UGGT1: variants seen among roughly 807,000 people sequenced by gnomAD.
UGGT1 encodes UDP-glucose glycoprotein glucosyltransferase 1.
A neutral mutation model predicts 203.9 loss-of-function variants in UGGT1; 107 were observed. The ratio of observed to expected loss-of-function variants is 0.52; its 90% CI spans 0.45 to 0.62. The LOEUF (loss-of-function observed/expected upper bound fraction) is 0.62. UGGT1 is among the 20% of genes least tolerant of loss of function. UGGT1 has a pLI of 0.00. For missense variants in UGGT1, 1,673 were observed against 1,867.2 expected, an observed-to-expected ratio of 0.90 and a Z score of 1.92; for synonymous variants, 628 against 653.5, an observed-to-expected ratio of 0.96 and a Z score of 0.59.
chr2:128,121,405 C>CTTTTTT (rs10636999), intron 10 of UGGT1, 107 bp downstream of exon 10: 11 of 452,680 alleles, frequency 2.4e-5, no homozygotes, highest in Non-Finnish European at 3.2e-5. Context: ...AATTAAGATT[C>CTTTTTT]TTTTTTTTTT....
chr2:128,151,918 G>A (rs1689991986), intron 18 of UGGT1, among the ~76,000 whole-genome samples: 1 of 152,192 alleles, frequency 6.6e-6, no homozygotes, highest in African/African-American at 2.4e-5. Context: ...ATACCTGTGT[G>A]TTAAATATTT....
At chr2:128,174,384 C>T (rs941601982) in intron 30 of UGGT1, among the ~76,000 whole-genome samples, 2 of 151,182 alleles carry the variant, frequency 1.3e-5, no homozygotes, top group East Asian at 1.9e-4. Context: ...CTGCAACCTC[C>T]GCCTCCCAGG....
At chr2:128,114,242 C>T (rs1443327565) in intron 6 of UGGT1, among the ~76,000 whole-genome samples, 1 of 152,028 alleles carries the variant, frequency 6.6e-6, no homozygotes, top group Non-Finnish European at 1.5e-5. Context: ...CTCAGCCTCC[C>T]GAGTAGCTGG....
At position 128,109,799 on chromosome 2, in the gene UGGT1, G is replaced by T; in HGVS notation, c.521+53G>T. The T allele has an allele frequency of 2.8e-6, 4 of 1,449,182 alleles. No individual in the cohort carries two copies. In the East Asian group the frequency reaches 9.1e-5, roughly 33 times the overall value. 89.8% of individuals were successfully genotyped at this position (1,449,182 alleles called of 1,614,324 possible). Reference sequence around the variant, plus strand: ...GTCATGCATTTCCAGTGCTGCTTCTGCATTTGGTCTACCTTCTGATTTTCT... The same window carrying T: ...GTCATGCATTTCCAGTGCTGCTTCTTCATTTGGTCTACCTTCTGATTTTCT... On this transcript the variant is annotated intron_variant, in intron 5 of 40. Transcript: ENST00000259253.
intron 19 of UGGT1, 35 bp from the exon 20 acceptor site, chr2:128,155,454 G>T: frequency 1.4e-6 from 2 of 1,473,568 alleles, no homozygotes; most frequent in South Asian, 1.2e-5. Flanking sequence ...GATTGAACTG[G>T]AACTAATATA....
At chr2:128,097,611 G>A in intron 2 of UGGT1, 47 bp downstream of exon 2, 1 of 1,598,314 alleles carries the variant, frequency 6.3e-7, no homozygotes, top group Non-Finnish European at 8.5e-7. Context: ...TATAAATATA[G>A]GCTCTGACAG....
chr2:128,190,295 CCAA>C lies in UGGT1; in HGVS notation c.*557_*559del, dbSNP rs1376822252. ...GGTGCATTGTTTAATTGAAATCCAA[CCAA>C]CAATTGTGTGTCAAGGCTGGTTTGG... On this transcript the variant is annotated 3_prime_UTR_variant, in exon 41 of 41. Transcript: ENST00000259253. 1 of 152,438 alleles carries C rather than the reference CCAA, an allele frequency of 6.6e-6. No homozygotes were observed. The highest frequency in any genetic ancestry group is 2.4e-5 in the African/African-American group (1 of 41,418). 9.4% of individuals were successfully genotyped at this position (152,438 alleles called of 1,614,324 possible).
At chr2:128,173,595 G>A (rs544278097) in intron 29 of UGGT1, among the ~76,000 whole-genome samples, 186 bp from the exon 30 acceptor site, 17 of 152,016 alleles carry the variant, frequency 1.1e-4, no homozygotes, top group Non-Finnish European at 2.2e-4. Flanking sequence ...GCCTCCTCTC[G>A]CCTGGTTTCA....
rs544381740 is a variant in UGGT1, at chr2:128,169,048, T to TA, written c.2922-1197dup. Among the ~76,000 whole-genome samples, 81 of 52,538 alleles carry TA rather than the reference T, an allele frequency of 1.5e-3. 8 individuals carry two copies. The highest frequency in any genetic ancestry group is 7.8e-3 in the East Asian group (13 of 1,674). The allele number at this position is 52,538 out of a possible 152,430, so 34.5% of individuals were successfully genotyped here. On this transcript the variant is annotated intron_variant, in intron 26 of 40. Coordinates refer to ENST00000259253, the MANE Select transcript of UGGT1 (RefSeq NM_020120.4). ...GGGTGAATGAGCGAGACTCTGTCTT[T>TA]AAAAAAAAAAAAAAAAAAAAAAAAA...
chr2:128,186,736 A>G lies in UGGT1; in HGVS notation c.4413A>G (p.Glu1471=). ...TGCCAATTAAATCCCTCCCTCAAGA[A>G]TGGCTTTGGTGTGAAACGTGGTGTG... is the stretch of plus-strand genomic sequence containing the variant. ...HQVPIKSLPQ[E]WLWCETWCDD... Residue 1471 remains glutamate, a synonymous_variant, in exon 39 of 41, where the codon GAA becomes GAG. Coordinates refer to ENST00000259253, the MANE Select transcript of UGGT1 (RefSeq NM_020120.4). 6.2e-7 allele frequency: 1 copy of G among 1,613,866 alleles called. No homozygotes were observed. The highest frequency in any genetic ancestry group is 8.5e-7 in the Non-Finnish European group (1 of 1,179,886).
chr2:128,110,463 G>A (rs1417111483), intron 5 of UGGT1, among the ~76,000 whole-genome samples: 1 of 152,090 alleles, frequency 6.6e-6, no homozygotes, highest in African/African-American at 2.4e-5. Flanking sequence ...TCAGAGTGCC[G>A]ACCAAAAAAC....
At chr2:128,138,960 G>A in intron 16 of UGGT1, 108 bp downstream of exon 16, 1 of 1,411,676 alleles carries the variant, frequency 7.1e-7, no homozygotes, top group Admixed American at 2.1e-5. Flanking sequence ...GAGCTCAGGG[G>A]TGGGTCCTGA....
intron 25 of UGGT1, among the ~76,000 whole-genome samples, chr2:128,163,713 C>CAA (rs35601849): frequency 7.9e-4 from 110 of 139,104 alleles, no homozygotes; most frequent in African/African-American, 2.0e-3. Context: ...GACTCCGTCT[C>CAA]AAAAAAAAAA....
chr2:128,123,274 G>A lies in UGGT1; in HGVS notation c.1134+28G>A, dbSNP rs1553435608. On this transcript the variant is annotated intron_variant, in intron 11 of 40. Transcript: ENST00000259253. ...ATTCACCGATAGAAAATACTGACCT[G>A]TTTTGTATTCTATCTTTAAAGATAA... is the stretch of plus-strand genomic sequence containing the variant. The A allele has an allele frequency of 2.9e-5, 46 of 1,591,268 alleles. No individual in the cohort carries two copies. In the South Asian group the frequency reaches 5.2e-4, roughly 18 times the overall value.
At chr2:128,142,044 G>A (rs1450915717) in intron 16 of UGGT1, among the ~76,000 whole-genome samples, 2 of 151,706 alleles carry the variant, frequency 1.3e-5, no homozygotes, top group African/African-American at 4.8e-5. Flanking sequence ...TGGGTTTAAG[G>A]GATTCGCCTG....
chr2:128,112,029 A>G (rs914313964), intron 5 of UGGT1, among the ~76,000 whole-genome samples: 1 of 151,552 alleles, frequency 6.6e-6, no homozygotes, highest in African/African-American at 2.4e-5. Context: ...TCCCTCCTTG[A>G]GCTCTGGAGG....
At chr2:128,132,842 G>A (rs928991657) in intron 13 of UGGT1, among the ~76,000 whole-genome samples, 3 of 152,090 alleles carry the variant, frequency 2.0e-5, no homozygotes, top group African/African-American at 7.2e-5. Context: ...CTCCTGAGTG[G>A]CTGGGACAGC....
chr2:128,151,043 G>T, intron 18 of UGGT1: 1 of 222,280 alleles, frequency 4.5e-6, no homozygotes, highest in South Asian at 5.2e-5. Flanking sequence ...TAGAGACAGG[G>T]TTTTGCCATT....
chr2:128,103,240 C>T, intron 2 of UGGT1: 2 of 348,680 alleles, frequency 5.7e-6, no homozygotes, highest in South Asian at 4.7e-5. Flanking sequence ...AAGCAATTGA[C>T]ATGAATCATT....
Sources: gnomAD v4.1 joint callset for allele counts (sites outside exome capture counted in the v4.1 genomes callset) on GRCh38, gnomAD v4.1.1 for gene constraint, MANE v1.5 for transcripts, NCBI Gene and HGNC (gene_info 2026-07-23, HGNC 2026-07-21) for gene names.